Variants in WWOX observed in about 807,000 individuals in gnomAD.
WWOX encodes WW domain-containing oxidoreductase.
WWOX carries 69 observed loss-of-function variants against 46.2 expected under a neutral mutation model. The ratio of observed to expected loss-of-function variants is 1.49; its 90% confidence interval spans 1.23 to 1.82. The LOEUF (loss-of-function observed/expected upper bound fraction) is 1.82, where lower values mean the gene tolerates loss of function less well. WWOX is among the 40% of genes most tolerant of loss of function. The pLI is 0.00. For missense variants in WWOX, 919 were observed against 542.6 expected (o/e 1.69, Z -6.89); for synonymous variants, 359 against 202.6 (o/e 1.77, Z -6.56).
intron 8 of WWOX, among the ~76,000 whole-genome samples, chr16:78,751,555 G>C (rs540503086): frequency 3.1e-4 from 46 of 148,630 alleles, no homozygotes; most frequent in African/African-American, 9.4e-4. Context: ...AGGTGATACA[G>C]CATTTTAAAA....
At chr16:78,596,303 G>C (rs1010306092) in intron 8 of WWOX, among the ~76,000 whole-genome samples, 9 of 152,110 alleles carry the variant, frequency 5.9e-5, no homozygotes, top group African/African-American at 2.2e-4. Context: ...TGTCTGGCTG[G>C]GTTCTGCTAG....
chr16:78,710,312 T>C (rs1249764783), intron 8 of WWOX, among the ~76,000 whole-genome samples: 1 of 151,040 alleles, frequency 6.6e-6, no homozygotes, highest in African/African-American at 2.4e-5. Flanking sequence ...CTGAAAGTAG[T>C]CTTCAAGAAA....
At chr16:78,466,115 T>C (rs2084070918) in intron 8 of WWOX, among the ~76,000 whole-genome samples, 1 of 152,106 alleles carries the variant, frequency 6.6e-6, no homozygotes, top group Admixed American at 6.5e-5. Context: ...CACTGCAAGC[T>C]CCGCCTCCCA....
At chr16:78,125,152 G>A (rs2033305502) in intron 4 of WWOX, among the ~76,000 whole-genome samples, 5 of 152,098 alleles carry the variant, frequency 3.3e-5, no homozygotes, top group South Asian at 4.1e-4. Context: ...TACATTGATA[G>A]CCGTTTAAAA....
chr16:78,838,507 T>G (rs1408137798), intron 8 of WWOX, among the ~76,000 whole-genome samples: 1 of 152,182 alleles, frequency 6.6e-6, no homozygotes, highest in Non-Finnish European at 1.5e-5. Flanking sequence ...TTGGTAGGAT[T>G]CCATTTACAT....
intron 8 of WWOX, among the ~76,000 whole-genome samples, chr16:78,626,921 A>C (rs866983331): frequency 2.6e-5 from 4 of 152,164 alleles, no homozygotes; most frequent in Non-Finnish European, 5.9e-5. Context: ...TTGGTCTTCA[A>C]AAGTTGCTGC....
intron 8 of WWOX, among the ~76,000 whole-genome samples, chr16:79,073,137 A>ATAG (rs1195814497): frequency 7.1e-6 from 1 of 141,754 alleles, no homozygotes; most frequent in African/African-American, 2.6e-5. Context: ...TTTTTACATT[A>ATAG]TAGTAGTTAT....
intron 8 of WWOX, among the ~76,000 whole-genome samples, chr16:79,011,479 A>G (rs944245014): frequency 2.1e-5 from 3 of 145,104 alleles, no homozygotes; most frequent in South Asian, 2.2e-4. Context: ...TTATTTATTT[A>G]TTTATTTATT....
chr16:78,128,126 G>A (rs2033436764), intron 4 of WWOX, among the ~76,000 whole-genome samples: 1 of 152,116 alleles, frequency 6.6e-6, no homozygotes, highest in African/African-American at 2.4e-5. Context: ...AGGGTTGGAA[G>A]AAGATGGAGG....
chr16:78,527,738 C>A (rs570692552), intron 8 of WWOX, among the ~76,000 whole-genome samples: 9 of 22,416 alleles, frequency 4.0e-4, no homozygotes, highest in African/African-American at 7.1e-4. Flanking sequence ...GGTTCTTGAT[C>A]AGGAGTGATA....
intron 8 of WWOX, among the ~76,000 whole-genome samples, chr16:78,594,429 G>GCCC (rs138806967): frequency 1.5e-4 from 5 of 32,392 alleles, no homozygotes; most frequent in African/African-American, 4.1e-4. Flanking sequence ...CTGAGGAAAG[G>GCCC]CCCCCCCCCC....
intron 8 of WWOX, among the ~76,000 whole-genome samples, chr16:78,766,109 G>T (rs1336539994): frequency 9.2e-5 from 14 of 152,212 alleles, no homozygotes; most frequent in Non-Finnish European, 1.6e-4. Context: ...CAGAGGTGTG[G>T]TCACACATAC....
intron 8 of WWOX, among the ~76,000 whole-genome samples, chr16:79,145,091 T>G (rs956617589): frequency 6.6e-6 from 1 of 152,192 alleles, no homozygotes; most frequent in Admixed American, 6.5e-5. Flanking sequence ...TGCCACTGAT[T>G]ATGGGTCAGA....
chr16:78,662,969 G>A (rs2047251952), intron 8 of WWOX, among the ~76,000 whole-genome samples: 1 of 152,130 alleles, frequency 6.6e-6, no homozygotes, highest in Non-Finnish European at 1.5e-5. Flanking sequence ...ACTTAATCTT[G>A]GAAGTCACAT....
chr16:78,253,986 C>T lies in WWOX; in HGVS notation c.516+89697C>T, dbSNP rs576519376. ...GAAGCTCATCGCATAGCTGCTTACT[C>T]AGAAAATCTGGTGTAGTGGCTTAGC... On this transcript the variant is annotated intron_variant, in intron 5 of 8. Coordinates refer to ENST00000566780, the MANE Select transcript of WWOX (RefSeq NM_016373.4). 1.1e-4 allele frequency among the ~76,000 whole-genome samples: 16 copies of T among 152,268 alleles called. 1 individual carries two copies. In the Middle Eastern group the frequency reaches 0.01, roughly 97 times the overall value.
intron 8 of WWOX, among the ~76,000 whole-genome samples, chr16:78,788,590 C>T (rs1472968987): frequency 6.6e-6 from 1 of 152,220 alleles, no homozygotes; most frequent in Non-Finnish European, 1.5e-5. Context: ...GGCTGGAAAG[C>T]TCCATGCCCC....
intron 5 of WWOX, among the ~76,000 whole-genome samples, chr16:78,277,556 G>C (rs1000315245): frequency 2.0e-5 from 3 of 152,086 alleles, no homozygotes; most frequent in African/African-American, 7.2e-5. Context: ...GGGGGTGGGG[G>C]AGGGCACAGT....
intron 8 of WWOX, among the ~76,000 whole-genome samples, chr16:78,591,166 A>G (rs938846585): frequency 6.6e-6 from 1 of 152,028 alleles, no homozygotes; most frequent in Non-Finnish European, 1.5e-5. Context: ...CTTTTTCAAG[A>G]TGGTTTTAGC....
chr16:78,300,740 A>G (rs928030640), intron 5 of WWOX, among the ~76,000 whole-genome samples: 1 of 152,028 alleles, frequency 6.6e-6, no homozygotes, highest in African/African-American at 2.4e-5. Context: ...TTCTCCTGTC[A>G]CTGAAATATT....
Sources: allele counts gnomAD v4.1 joint callset (sites outside exome capture counted in the v4.1 genomes callset), GRCh38; gene constraint gnomAD v4.1.1; transcripts MANE v1.5; gene names NCBI Gene and HGNC (gene_info 2026-07-23, HGNC 2026-07-21).